Variants in OR3A2 observed in about 807,000 individuals in gnomAD.
OR3A2 encodes the protein olfactory receptor family 3 subfamily A member 2, also known as olfactory receptor 3A2.
For missense variants in OR3A2, 318 were observed against 392.8 expected, an observed-to-expected ratio of 0.81 and a Z score of 1.61; for synonymous variants, 126 against 159.3, an observed-to-expected ratio of 0.79 and a Z score of 1.57.
Position 3,279,162 on chromosome 17 carries a change from A to C in OR3A2, c.-6-239T>G. On this transcript the variant is annotated intron_variant, in intron 1 of 1. Transcript: ENST00000642052. Reference sequence around the variant, plus strand: ...TGAAAAGGTCAGAATACCTGGAACAACATGAGAACTATAGTTAATAAAGTG... The same window carrying C: ...TGAAAAGGTCAGAATACCTGGAACACCATGAGAACTATAGTTAATAAAGTG... The C allele has an allele frequency of 1.6e-6, 1 of 639,878 alleles. No individual in the cohort carries two copies. Among genetic ancestry groups the C allele is most frequent in the South Asian group, 2.2e-5 (1 of 45,306 alleles). 39.6% of individuals were successfully genotyped at this position (639,878 alleles called of 1,614,324 possible). A position where few individuals can be genotyped will look rare whatever the true frequency, so the allele number is the denominator to read the frequency against.
intron 2 of OR3A2, among the ~76,000 whole-genome samples, chr17:3,351,168 G>A (rs2049417051): frequency 6.7e-6 from 1 of 149,660 alleles, no homozygotes; most frequent in Non-Finnish European, 1.5e-5. Flanking sequence ...AACAGTGTTG[G>A]AAGTTCTGGC....
intron 2 of OR3A2, among the ~76,000 whole-genome samples, chr17:3,361,431 G>A: frequency 6.6e-6 from 1 of 151,556 alleles, no homozygotes; most frequent in East Asian, 1.9e-4. Context: ...GATTGCCCTG[G>A]CCAGAACTTC....
intron 2 of OR3A2, among the ~76,000 whole-genome samples, chr17:3,337,040 A>T (rs960010895): frequency 1.3e-5 from 2 of 152,208 alleles, no homozygotes; most frequent in African/African-American, 4.8e-5. Context: ...GTCTAATTTC[A>T]TACCTCTTTC....
intron 3 of OR3A2, among the ~76,000 whole-genome samples, chr17:3,297,770 C>T (rs1382088859): frequency 1.3e-5 from 2 of 152,004 alleles, no homozygotes; most frequent in African/African-American, 2.4e-5. Flanking sequence ...AAAGTATGAC[C>T]GTAAGAGCAA....
intron 2 of OR3A2, among the ~76,000 whole-genome samples, chr17:3,382,563 A>G (rs989466440): frequency 1.3e-5 from 2 of 152,172 alleles, no homozygotes; most frequent in African/African-American, 4.8e-5. Context: ...TTTCTCTGCT[A>G]TCTTCTTTTC....
chr17:3,310,098 G>C (rs768691655), intron 3 of OR3A2: 7 of 323,796 alleles, frequency 2.2e-5, no homozygotes, highest in Non-Finnish European at 4.3e-5. Flanking sequence ...TGCCACTCTT[G>C]TTACCCATTA....
At chr17:3,345,282 C>A (rs893454434) in intron 2 of OR3A2, among the ~76,000 whole-genome samples, 1 of 152,118 alleles carries the variant, frequency 6.6e-6, no homozygotes, top group South Asian at 2.1e-4. Flanking sequence ...AGTAAATAAT[C>A]CGGACACATC....
intron 3 of OR3A2, among the ~76,000 whole-genome samples, chr17:3,332,131 G>T (rs1471009572): frequency 1.3e-5 from 2 of 152,140 alleles, no homozygotes; most frequent in Non-Finnish European, 2.9e-5. Context: ...TGTCAGACAG[G>T]GACATTTAAG....
chr17:3,333,732 A>G (rs2049257340), intron 3 of OR3A2, among the ~76,000 whole-genome samples: 1 of 152,244 alleles, frequency 6.6e-6, no homozygotes. Flanking sequence ...AGCAATTGCA[A>G]CAAAAGAAAA....
At chr17:3,348,656 T>C (rs1004075053) in intron 2 of OR3A2, among the ~76,000 whole-genome samples, 2 of 151,914 alleles carry the variant, frequency 1.3e-5, no homozygotes, top group African/African-American at 4.8e-5. Flanking sequence ...CAGGCCAACA[T>C]TCAGATTCAG....
intron 3 of OR3A2, among the ~76,000 whole-genome samples, chr17:3,326,431 T>C (rs1432127948): frequency 1.3e-5 from 2 of 151,968 alleles, no homozygotes; most frequent in Non-Finnish European, 2.9e-5. Context: ...GGACCCCAAA[T>C]GGAGGGACCG....
intron 1 of OR3A2, among the ~76,000 whole-genome samples, chr17:3,280,465 G>T (rs1415596714): frequency 1.3e-5 from 2 of 151,964 alleles, no homozygotes; most frequent in East Asian, 3.9e-4. Flanking sequence ...GTAGAGACGG[G>T]GTTTCACCGT....
chr17:3,324,967 T>C (rs1465345526), intron 3 of OR3A2, among the ~76,000 whole-genome samples: 2 of 152,136 alleles, frequency 1.3e-5, no homozygotes, highest in Non-Finnish European at 2.9e-5. Context: ...TACAGACTTT[T>C]ACACAGTCAA....
intron 3 of OR3A2, among the ~76,000 whole-genome samples, chr17:3,317,123 G>A (rs1339518884): frequency 1.3e-5 from 2 of 152,202 alleles, no homozygotes; most frequent in Non-Finnish European, 2.9e-5. Context: ...TTTATACAGT[G>A]GATCAGATGA....
At chr17:3,280,302 T>C (rs1261006175) in intron 1 of OR3A2, among the ~76,000 whole-genome samples, 2 of 151,618 alleles carry the variant, frequency 1.3e-5, no homozygotes, top group Admixed American at 6.6e-5. Flanking sequence ...GACAGAGTCT[T>C]GCTCTGTCAC....
chr17:3,363,752 G>A (rs1289284102), intron 2 of OR3A2, among the ~76,000 whole-genome samples: 1 of 152,174 alleles, frequency 6.6e-6, no homozygotes, highest in Non-Finnish European at 1.5e-5. Context: ...AAGAGGTTTG[G>A]TTGACTCATA....
chr17:3,285,937 C>T (rs115777176), upstream of OR3A2, among the ~76,000 whole-genome samples: 2,792 of 152,240 alleles, frequency 0.018, 90 homozygotes, highest in African/African-American at 0.063. Context: ...TAAATATACT[C>T]TAAGTTCTGG....
chr17:3,282,762 G>A (rs1472719227), intron 1 of OR3A2, among the ~76,000 whole-genome samples: 3 of 152,204 alleles, frequency 2.0e-5, no homozygotes, highest in African/African-American at 4.8e-5. Context: ...CTTTACATAT[G>A]TTATATTAAA....
intron 3 of OR3A2, among the ~76,000 whole-genome samples, chr17:3,326,395 C>T (rs932268359): frequency 4.6e-5 from 7 of 151,940 alleles, no homozygotes; most frequent in South Asian, 2.1e-4. Context: ...ACATAGGCAT[C>T]GGCAAAGATT....
Sources: gnomAD v4.1 joint callset for allele counts (sites outside exome capture counted in the v4.1 genomes callset) on GRCh38, gnomAD v4.1.1 for gene constraint, MANE v1.5 for transcripts, NCBI Gene and HGNC (gene_info 2026-07-23, HGNC 2026-07-21) for gene names.